Variants in RFX7 observed in about 807,000 individuals in gnomAD.
The protein encoded by RFX7 is regulatory factor X7.
RFX7 carries 26 observed loss-of-function variants against 111.8 expected under a neutral mutation model. The ratio of observed to expected loss-of-function variants is 0.23; its 90% confidence interval spans 0.17 to 0.32. The LOEUF (loss-of-function observed/expected upper bound fraction) is 0.32. Among genes scored for constraint, RFX7 ranks in the 10% least tolerant of loss-of-function variants. The pLI, the probability that RFX7 is intolerant of heterozygous loss-of-function variation, is 1.00. For synonymous variants in RFX7, 624 were observed against 624.4 expected (o/e 1.00, Z 0.01); for missense variants, 1,573 against 1,772.9 (o/e 0.89, Z 2.02).
rs2041806184 is a variant in RFX7, at chr15:56,104,753, C to A, written c.402-1083G>T. Among the ~76,000 whole-genome samples the A allele has an allele frequency of 2.0e-5, 3 of 152,144 alleles. No homozygotes were observed. In the South Asian group the frequency reaches 6.2e-4, roughly 32 times the overall value. ...TAGCTCTGGAGACAATGCTATTTCTCTTGTTTGTGGCTTCCCTATTCCCAC... is the reference window on the plus strand; with the variant it reads ...TAGCTCTGGAGACAATGCTATTTCTATTGTTTGTGGCTTCCCTATTCCCAC... On this transcript the variant is annotated intron_variant, in intron 5 of 9. Coordinates refer to ENST00000559447, the MANE Select transcript of RFX7 (RefSeq NM_022841.7).
At position 56,094,713 on chromosome 15, in the gene RFX7, T is replaced by C. The variant is rs2041647101; in HGVS notation, c.3015A>G (p.Pro1005=). 2.5e-6 allele frequency: 4 copies of C among 1,613,782 alleles called. No individual in the cohort carries two copies. Among genetic ancestry groups the C allele is most frequent in the Non-Finnish European group, 2.5e-6 (3 of 1,179,874 alleles). The part of the protein sequence containing the change: ...GSSRHTPIGT[P]HSNCSSSVPP... ...GGACACTACTGCTGCAGTTAGAATG[T>C]GGAGTACCAATGGGTGTATGTCGGC... The change falls in exon 10 of 10, where the codon CCA becomes CCG. Residue 1005 remains proline, a synonymous_variant. Transcript: ENST00000559447.
intron 3 of RFX7, among the ~76,000 whole-genome samples, chr15:56,159,763 A>T (rs1158101032): frequency 6.6e-6 from 1 of 152,200 alleles, no homozygotes; most frequent in African/African-American, 2.4e-5. Flanking sequence ...GTCAATACAT[A>T]CCAGATGGAC....
chr15:56,143,675 C>G (rs1033436148), intron 4 of RFX7, among the ~76,000 whole-genome samples: 1 of 152,064 alleles, frequency 6.6e-6, no homozygotes, highest in African/African-American at 2.4e-5. Context: ...AAAGAAAACA[C>G]TGAGCAAGTG....
intron 2 of RFX7, among the ~76,000 whole-genome samples, chr15:56,195,554 G>A (rs1186861385): frequency 2.0e-5 from 3 of 152,032 alleles, no homozygotes; most frequent in African/African-American, 7.3e-5. Flanking sequence ...CTTAGTACTT[G>A]CCTGCTCTTA....
chr15:56,216,048 C>G lies in RFX7; in HGVS notation c.161+27077G>C, dbSNP rs187363177. ...TGCAGTGCCTTTTATGAACTATGTTCTGAAGTCCCACACCACCATGTCTGC... is the reference window on the plus strand; with the variant it reads ...TGCAGTGCCTTTTATGAACTATGTTGTGAAGTCCCACACCACCATGTCTGC... On this transcript the variant is annotated intron_variant, in intron 2 of 9. Transcript: ENST00000559447. 1.5e-3 allele frequency among the ~76,000 whole-genome samples: 228 copies of G among 152,304 alleles called. 1 individual carries two copies. Among genetic ancestry groups the G allele is most frequent in the Non-Finnish European group, 2.5e-3 (171 of 68,022 alleles).
At chr15:56,178,166 T>TACACACACAC (rs140828561) in intron 3 of RFX7, among the ~76,000 whole-genome samples, 9 of 119,656 alleles carry the variant, frequency 7.5e-5, no homozygotes, top group Non-Finnish European at 1.0e-4. Context: ...ACCAAAAAAC[T>TACACACACAC]ACACACACAC....
chr15:56,204,550 T>C (rs1235300251), intron 2 of RFX7, among the ~76,000 whole-genome samples: 4 of 152,148 alleles, frequency 2.6e-5, no homozygotes, highest in Non-Finnish European at 4.4e-5. Context: ...TATGAGAATA[T>C]TGTAGGCTAA....
At chr15:56,177,300 AC>A (rs1361427917) in intron 3 of RFX7, among the ~76,000 whole-genome samples, 1 of 152,120 alleles carries the variant, frequency 6.6e-6, no homozygotes, top group Non-Finnish European at 1.5e-5. Context: ...ATCTAAGGTT[AC>A]CCTACCCACC....
At chr15:56,213,654 C>A (rs1274647413) in intron 2 of RFX7, among the ~76,000 whole-genome samples, 1 of 152,118 alleles carries the variant, frequency 6.6e-6, no homozygotes, top group African/African-American at 2.4e-5. Flanking sequence ...TACAGATTTG[C>A]AAGATGACAC....
chr15:56,096,048 T>C lies in RFX7; in HGVS notation c.1680A>G (p.Lys560=). 1 of 1,613,282 alleles carries C rather than the reference T, an allele frequency of 6.2e-7. No homozygotes were observed. The highest frequency in any genetic ancestry group is 1.1e-5 in the South Asian group (1 of 90,932). Residue 560 remains lysine (K), a synonymous_variant, in exon 10 of 10, where the codon AAA becomes AAG. Transcript: ENST00000559447. Reference sequence around the variant, plus strand: ...AAAGGGCACTAGGTGTCTGGGGAGCTTTAGCCTCATCAGAGTTCTCTTGGC... The same window carrying C: ...AAAGGGCACTAGGTGTCTGGGGAGCCTTAGCCTCATCAGAGTTCTCTTGGC... ...VQCQENSDEA[K]APQTPSALLG... is the part of the protein sequence containing the mutation.
intron 3 of RFX7, among the ~76,000 whole-genome samples, chr15:56,168,920 G>A (rs1449346359): frequency 6.6e-6 from 1 of 152,166 alleles, no homozygotes; most frequent in Non-Finnish European, 1.5e-5. Context: ...TGGTGGCATT[G>A]CAGTTATTGC....
At chr15:56,151,145 A>T (rs1171260735) in intron 3 of RFX7, among the ~76,000 whole-genome samples, 2 of 152,210 alleles carry the variant, frequency 1.3e-5, no homozygotes, top group African/African-American at 2.4e-5. Context: ...TCTTCAGGAT[A>T]TTATCCAGAA....
chr15:56,243,066 C>CCCAA, intron 2 of RFX7, 59 bp downstream of exon 2: 13 of 1,161,700 alleles, frequency 1.1e-5, no homozygotes, highest in Non-Finnish European at 1.4e-5. Flanking sequence ...GCCCCCCACC[C>CCCAA]ACTTTGCAGC....
At chr15:56,123,029 A>G (rs2042098262) in intron 5 of RFX7, among the ~76,000 whole-genome samples, 1 of 151,976 alleles carries the variant, frequency 6.6e-6, no homozygotes, top group Admixed American at 6.5e-5. Flanking sequence ...GGGGACCCCA[A>G]AAGCCCTCTT....
intron 3 of RFX7, among the ~76,000 whole-genome samples, chr15:56,170,127 T>C (rs2042830287): frequency 1.3e-5 from 2 of 152,206 alleles, no homozygotes; most frequent in Non-Finnish European, 2.9e-5. Context: ...CAACAAATAT[T>C]GATCACGTTC....
At position 56,205,413 on chromosome 15, in the gene RFX7, C is replaced by G. The variant is rs1453624407; in HGVS notation, c.162-26110G>C. Among the ~76,000 whole-genome samples the G allele has an allele frequency of 5.9e-5, 9 of 152,290 alleles. No homozygotes were observed. In the East Asian group the frequency reaches 9.6e-4, roughly 16 times the overall value. On this transcript the variant is annotated intron_variant, in intron 2 of 9. Coordinates refer to ENST00000559447, the MANE Select transcript of RFX7 (RefSeq NM_022841.7). The stretch of plus-strand genomic sequence containing the variant: ...CAAATTTTGTTTCTCTCTTAGAAAT[C>G]TGTAAAATGTCTTTATCTCAAATAC...
chr15:56,176,256 G>A (rs1222396111), intron 3 of RFX7, among the ~76,000 whole-genome samples: 1 of 152,078 alleles, frequency 6.6e-6, no homozygotes, highest in Non-Finnish European at 1.5e-5. Context: ...TCAAGGGACT[G>A]AAAAAGTATT....
chr15:56,098,246 C>T lies in RFX7; in HGVS notation c.942G>A (p.Lys314=), dbSNP rs755774662. 3.1e-6 allele frequency: 5 copies of T among 1,613,844 alleles called. No homozygotes were observed. In the South Asian group the frequency reaches 5.5e-5, roughly 18 times the overall value. Residue 314 remains lysine, a synonymous_variant, in exon 9 of 10, where the codon AAG becomes AAA. Coordinates refer to ENST00000559447, the MANE Select transcript of RFX7 (RefSeq NM_022841.7). ...GGGATTGTAGTTTCTGTTCTTGCTGCTTCTTCTGGATTTTCCGTTGCAACT... is the reference window on the plus strand; with the variant it reads ...GGGATTGTAGTTTCTGTTCTTGCTGTTTCTTCTGGATTTTCCGTTGCAACT... ...KQQLQRKIQK[K]QQEQKLQSPL... is the part of the protein sequence containing the mutation.
At chr15:56,134,121 T>A (rs1437042518) in intron 5 of RFX7, among the ~76,000 whole-genome samples, 1 of 152,206 alleles carries the variant, frequency 6.6e-6, no homozygotes, top group Non-Finnish European at 1.5e-5. Context: ...CTTACCTTCT[T>A]AACCTATTAT....
Sources: gnomAD v4.1 joint callset for allele counts (sites outside exome capture counted in the v4.1 genomes callset) on GRCh38, gnomAD v4.1.1 for gene constraint, MANE v1.5 for transcripts, NCBI Gene and HGNC (gene_info 2026-07-23, HGNC 2026-07-21) for gene names.